Variants in USP9X observed in about 807,000 individuals in gnomAD.
USP9X encodes ubiquitin specific peptidase 9 X-linked, also known as ubiquitin carboxyl-terminal hydrolase 9X.
USP9X carries 7 observed loss-of-function variants against 190.3 expected under a neutral mutation model. The ratio of observed to expected loss-of-function variants is 0.04; its 90% CI spans 0.02 to 0.07. The LOEUF (loss-of-function observed/expected upper bound fraction) is 0.07, where lower values mean the gene tolerates loss of function less well. Among genes scored for constraint, USP9X ranks in the 10% least tolerant of loss-of-function variants. The probability of loss-of-function intolerance (pLI) is 1.00; values close to 1 mark genes in which losing one functional copy is unlikely to be tolerated. For missense variants in USP9X, 1,010 were observed against 1,916.9 expected, an observed-to-expected ratio of 0.53 and a Z score of 8.83; for synonymous variants, 645 against 659.5, an observed-to-expected ratio of 0.98 and a Z score of 0.34.
chrX:41,229,928 T>C (rs1323748185), intron 43 of USP9X, 149 bp downstream of exon 43: 1 of 1,032,951 alleles, frequency 9.7e-7, no homozygotes, highest in South Asian at 2.4e-5. Flanking sequence ...CGGCTGGGCA[T>C]GGTGGCTCAC....
intron 1 of USP9X, among the ~76,000 whole-genome samples, chrX:41,112,460 G>A (rs978535402): frequency 8.9e-6 from 1 of 112,175 alleles, no homozygotes. Context: ...TTCTATTTAT[G>A]TCTGTTAAAT....
rs748459940 is a variant in USP9X, at chrX:41,196,377, A to G, written c.4086+18A>G. On this transcript the variant is annotated intron_variant, in intron 27 of 44. Coordinates refer to ENST00000378308, the MANE Select transcript of USP9X (RefSeq NM_001039591.3). ...TTTTGGGGGTGAGACTTTTTAAAAT[A>G]TGCTTATCAATGTGATTCATTCTTT... is the stretch of plus-strand genomic sequence containing the variant. 50 of 1,184,045 alleles carry G rather than the reference A, an allele frequency of 4.2e-5. No homozygotes were observed. Among genetic ancestry groups the G allele is most frequent in the Admixed American group, 1.2e-4 (5 of 43,454 alleles).
intron 14 of USP9X, among the ~76,000 whole-genome samples, chrX:41,160,259 A>T (rs2062617977): frequency 1.8e-5 from 2 of 109,362 alleles, no homozygotes. Context: ...CTGCTAGCTA[A>T]CAAGTCCAGG....
At chrX:41,162,298 G>A (rs773609373) in intron 14 of USP9X, among the ~76,000 whole-genome samples, 1 of 112,428 alleles carries the variant, frequency 8.9e-6, no homozygotes, top group Non-Finnish European at 1.9e-5. Flanking sequence ...CATGGTAATG[G>A]TGACAATTGT....
chrX:41,182,772 T>C (rs778267828), intron 21 of USP9X, among the ~76,000 whole-genome samples: 3 of 110,915 alleles, frequency 2.7e-5, no homozygotes, highest in Non-Finnish European at 3.8e-5. Flanking sequence ...CGAGAAGATA[T>C]TTATAAATAT....
intron 4 of USP9X, among the ~76,000 whole-genome samples, chrX:41,132,917 A>T (rs182924888): frequency 9.0e-6 from 1 of 111,447 alleles, no homozygotes; most frequent in Admixed American, 9.5e-5. Context: ...TCCCCCAATG[A>T]CTTTGGTCTA....
chrX:41,126,458 A>G (rs1352081511), intron 2 of USP9X, among the ~76,000 whole-genome samples: 1 of 111,696 alleles, frequency 9.0e-6, no homozygotes, highest in East Asian at 2.8e-4. Context: ...TTATACCTGC[A>G]TTGTCCATGG....
intron 21 of USP9X, among the ~76,000 whole-genome samples, chrX:41,175,378 A>G (rs1302215665): frequency 9.1e-6 from 1 of 109,928 alleles, no homozygotes; most frequent in Non-Finnish European, 1.9e-5. Flanking sequence ...AAAATTAGCC[A>G]GGTGTGGTGA....
intron 4 of USP9X, among the ~76,000 whole-genome samples, chrX:41,134,100 A>G (rs1005956356): frequency 3.6e-5 from 4 of 111,852 alleles, no homozygotes; most frequent in African/African-American, 1.3e-4. Flanking sequence ...TTCTGAGACC[A>G]CGGTTATTTT....
intron 21 of USP9X, among the ~76,000 whole-genome samples, chrX:41,183,049 C>T (rs2062841931): frequency 1.8e-5 from 2 of 109,569 alleles, no homozygotes; most frequent in Non-Finnish European, 3.8e-5. Context: ...AGCAATTCTC[C>T]TGCCTCAGCG....
At chrX:41,101,902 C>CTTA (rs889562830) in intron 1 of USP9X, among the ~76,000 whole-genome samples, 2 of 111,674 alleles carry the variant, frequency 1.8e-5, no homozygotes, top group Non-Finnish European at 3.8e-5. Flanking sequence ...AAATGTTATG[C>CTTA]TTAAGTGAAA....
chrX:41,206,671 G>A (rs1030041981), intron 32 of USP9X, among the ~76,000 whole-genome samples: 7 of 111,158 alleles, frequency 6.3e-5, no homozygotes, highest in African/African-American at 2.3e-4. Flanking sequence ...GATAGGCAAC[G>A]CTACTTCATA....
intron 32 of USP9X, among the ~76,000 whole-genome samples, chrX:41,209,868 C>T (rs2063143716): frequency 8.9e-6 from 1 of 111,780 alleles, no homozygotes; most frequent in Non-Finnish European, 1.9e-5. Flanking sequence ...TCTCTATATA[C>T]ATTATTCTGT....
In USP9X at chrX:41,197,351, C is replaced by CCCCCCCGGGGG; in HGVS notation, c.4234-12_4234-11insCCCCCGGGGGC. On this transcript the variant is annotated splice_polypyrimidine_tract_variant and intron_variant, in intron 28 of 44. Transcript: ENST00000378308. Reference sequence around the variant, plus strand: ...TTTCTTCCCCCCCCCACCCCACCCCCCGCCTTTGGCAGGATGATGTTAAAA... The same window carrying CCCCCCCGGGGG: ...TTTCTTCCCCCCCCCACCCCACCCCCCCCCCCGGGGGCGCCTTTGGCAGGATGATGTTAAAA... 2 of 939,366 alleles carry CCCCCCCGGGGG rather than the reference C, an allele frequency of 2.1e-6. No individual in the cohort carries two copies. Among genetic ancestry groups the CCCCCCCGGGGG allele is most frequent in the Non-Finnish European group, 2.7e-6 (2 of 728,802 alleles). The allele number at this position is 939,366 out of a possible 1,213,427, so 77.4% of individuals were successfully genotyped here. A position where few individuals can be genotyped will look rare whatever the true frequency, so the allele number is the denominator to read the frequency against.
At chrX:41,169,598 G>A (rs2147121709) in intron 18 of USP9X, among the ~76,000 whole-genome samples, 1 of 110,603 alleles carries the variant, frequency 9.0e-6, no homozygotes, top group Non-Finnish European at 1.9e-5. Context: ...GGGATTACAG[G>A]CGCCCACCAC....
chrX:41,209,646 C>T (rs777329906), intron 32 of USP9X, among the ~76,000 whole-genome samples: 7 of 111,423 alleles, frequency 6.3e-5, no homozygotes, highest in Admixed American at 3.8e-4. Flanking sequence ...GTAAATAGAA[C>T]GGACTGGTGT....
chrX:41,148,374 T>C lies in USP9X; in HGVS notation c.1425T>C (p.Ser475=), dbSNP rs2062489922. ...GTCACTTAATTTTTTTCTAGGCCAG[T>C]TGGACAAATGCGAGTAAAAAGCAAC... ...LDHLFDCFKA[S]WTNASKKQRE... The change falls in exon 12 of 45, where the codon AGT becomes AGC. Residue 475 remains serine (S), a synonymous_variant. Coordinates refer to ENST00000378308, the MANE Select transcript of USP9X (RefSeq NM_001039591.3). 1.2e-5 allele frequency: 15 copies of C among 1,211,414 alleles called. No homozygotes were observed. Among genetic ancestry groups the C allele is most frequent in the Non-Finnish European group, 1.7e-5 (15 of 895,376 alleles).
chrX:41,184,351 T>A lies in USP9X; in HGVS notation c.3280-46T>A, dbSNP rs5963927. On this transcript the variant is annotated intron_variant, in intron 22 of 44. Transcript: ENST00000378308. ...GTACAAATAGAAGTTATTTTTTTTT[T>A]AAATCTTTTAATACAGCCCTCTCCC... 5.3e-4 allele frequency: 611 copies of A among 1,150,135 alleles called. 3 individuals carry two copies. In the African/African-American group the frequency reaches 8.2e-3, roughly 15 times the overall value. 94.8% of individuals were successfully genotyped at this position (1,150,135 alleles called of 1,213,427 possible).
chrX:41,165,828 A>T (rs2062674544), intron 15 of USP9X, 44 bp from the exon 16 acceptor site: 1 of 1,135,954 alleles, frequency 8.8e-7, no homozygotes, highest in African/African-American at 1.8e-5. Context: ...TTTCCGGATA[A>T]AAATTACATA....
Sources: gnomAD v4.1 joint callset for allele counts (sites outside exome capture counted in the v4.1 genomes callset) on GRCh38, gnomAD v4.1.1 for gene constraint, MANE v1.5 for transcripts, NCBI Gene and HGNC (gene_info 2026-07-23, HGNC 2026-07-21) for gene names.